The following TPO variants were observed in gnomAD, a reference collection of about 807,000 sequenced individuals.
The protein encoded by TPO is thyroid peroxidase, also known as thyroid microsomal antigen.
Under a neutral mutation model 96.9 loss-of-function variants are expected in TPO, and 78 were observed. The ratio of observed to expected loss-of-function variants is 0.81; its 90% confidence interval spans 0.67 to 0.97. TPO has a LOEUF of 0.97. TPO is among the 50% of genes least tolerant of loss of function. The probability of loss-of-function intolerance (pLI) is 0.00; values close to 1 mark genes in which losing one functional copy is unlikely to be tolerated. For missense variants in TPO, 1,252 were observed against 1,274.8 expected, an observed-to-expected ratio of 0.98 and a Z score of 0.27; for synonymous variants, 547 against 538.0, an observed-to-expected ratio of 1.02 and a Z score of -0.23.
intron 5 of TPO, among the ~76,000 whole-genome samples, chr2:1,436,908 T>C (rs970116332): frequency 6.6e-6 from 1 of 152,150 alleles, no homozygotes; most frequent in Non-Finnish European, 1.5e-5. Context: ...CAACACCATC[T>C]CAGCACCCTC....
chr2:1,387,481 C>T (rs1255792250), intron 1 of TPO, among the ~76,000 whole-genome samples: 2 of 152,078 alleles, frequency 1.3e-5, no homozygotes, highest in Admixed American at 6.6e-5. Context: ...TCACTGATAC[C>T]CTTTCTTCCA....
chr2:1,449,847 C>T (rs996548513), intron 5 of TPO, among the ~76,000 whole-genome samples: 1 of 152,146 alleles, frequency 6.6e-6, no homozygotes, highest in African/African-American at 2.4e-5. Context: ...AAGGGTTTTC[C>T]TCTGAGGGTT....
chr2:1,508,422 C>T (rs1033321419), intron 14 of TPO, among the ~76,000 whole-genome samples: 4 of 152,080 alleles, frequency 2.6e-5, no homozygotes, highest in South Asian at 2.1e-4. Context: ...GGAGGATTCC[C>T]GCTTTTTGTA....
At chr2:1,411,459 A>G (rs1016048141), upstream of TPO, among the ~76,000 whole-genome samples, 7 of 152,172 alleles carry the variant, frequency 4.6e-5, no homozygotes, top group Non-Finnish European at 7.3e-5. Context: ...AAGAGCATCC[A>G]GTCAGTATTT....
chr2:1,540,977 C>T (rs950824830), intron 16 of TPO: 3 of 1,459,108 alleles, frequency 2.1e-6, no homozygotes, highest in East Asian at 5.6e-5. Context: ...GGCTCACTTT[C>T]AGGCGTTTGC....
chr2:1,484,811 G>A lies in TPO; in HGVS notation c.1554G>A (p.Trp518Ter). 6.2e-7 allele frequency: 1 copy of A among 1,614,066 alleles called. No individual in the cohort carries two copies. ...AGCACCCCGACCTGCCCGGGCTGTG[G>A]CTGCACCAGGCTTTCTTCAGCCCAT... Reference protein sequence around the residue: ...FQEHPDLPGLWLHQAFFSPWT... With the variant: ...FQEHPDLPGL Residue 518 changes from tryptophan to a stop codon, truncating the protein, a stop_gained, in exon 9 of 17, where the codon TGG becomes TGA. Transcript: ENST00000329066. LOFTEE classifies it high-confidence loss of function.
intron 14 of TPO, chr2:1,512,544 G>A: frequency 4.2e-6 from 4 of 952,630 alleles, no homozygotes; most frequent in Non-Finnish European, 5.0e-6. Context: ...CTCCGCCCCT[G>A]CTGGGCTCCT....
chr2:1,487,789 G>A (rs376837743), intron 9 of TPO, 32 bp from the exon 10 acceptor site: 26 of 1,614,050 alleles, frequency 1.6e-5, no homozygotes, highest in South Asian at 1.4e-4. Flanking sequence ...TGAGCCAAGA[G>A]CTGTCCTTGC....
chr2:1,465,491 G>A (rs1201031449), intron 7 of TPO, among the ~76,000 whole-genome samples: 1 of 152,088 alleles, frequency 6.6e-6, no homozygotes, highest in Non-Finnish European at 1.5e-5. Context: ...GCTTTCAGCA[G>A]TATGGTTGTT....
chr2:1,497,576 G>A (rs542490645), intron 13 of TPO, among the ~76,000 whole-genome samples: 3 of 152,294 alleles, frequency 2.0e-5, no homozygotes, highest in East Asian at 1.9e-4. Flanking sequence ...AACCTGGACC[G>A]CTGGTTCTGG....
intron 15 of TPO, among the ~76,000 whole-genome samples, chr2:1,530,712 C>A (rs1405690226): frequency 2.5e-5 from 2 of 80,228 alleles, no homozygotes; most frequent in Admixed American, 1.5e-4. Context: ...CTCCTCAAAT[C>A]CCCCCCACTG....
Position 1,438,983 on chromosome 2 carries a change from C to G in TPO, c.482+2599C>G, listed in dbSNP as rs1239884177. The G allele has an allele frequency of 8.1e-6, 5 of 619,274 alleles. No individual in the cohort carries two copies. The East Asian group carries it at 1.1e-4, about 14-fold the overall frequency. 38.4% of individuals were successfully genotyped at this position (619,274 alleles called of 1,614,324 possible). ...CCTGCCCCTGGGTCCTGCAGTAGAG[C>G]CTGAACCTTTCTTTGGTTTGATGCT... On this transcript the variant is annotated intron_variant, in intron 5 of 16. Transcript: ENST00000329066.
intron 1 of TPO, among the ~76,000 whole-genome samples, chr2:1,405,405 TACTC>T (rs1407591370): frequency 6.6e-6 from 1 of 151,106 alleles, no homozygotes; most frequent in African/African-American, 2.4e-5. Flanking sequence ...ATCCTTTTAT[TACTC>T]ACCCACCCAT....
In TPO at chr2:1,477,515, C is replaced by CT; in HGVS notation, c.1250dup (p.Ala418GlyfsTer54). 1 of 1,532,700 alleles carries CT rather than the reference C, an allele frequency of 6.5e-7. No homozygotes were observed. The highest frequency in any genetic ancestry group is 8.7e-7 in the Non-Finnish European group (1 of 1,144,924). 94.9% of individuals were successfully genotyped at this position (1,532,700 alleles called of 1,614,324 possible). A position where few individuals can be genotyped will look rare whatever the true frequency, so the allele number is the denominator to read the frequency against. On this transcript the variant is annotated frameshift_variant, in exon 8 of 17. Transcript: ENST00000329066. LOFTEE classifies it high-confidence loss of function. ...GCTGTGGCTGCGCGAGCACAACCGC[C>CT]TGGCCGCGGCGCTCAAGGCCCTCAA...
chr2:1,388,478 C>T (rs981302525), intron 1 of TPO, among the ~76,000 whole-genome samples: 47 of 152,288 alleles, frequency 3.1e-4, no homozygotes, highest in African/African-American at 1.1e-3. Flanking sequence ...TAGCAGTGAG[C>T]GAGGCTCTGT....
chr2:1,529,641 CGTACTGTGTGCAACCTCCTATCA>C (rs1677550236), intron 15 of TPO, among the ~76,000 whole-genome samples: 2 of 87,258 alleles, frequency 2.3e-5, no homozygotes, highest in Non-Finnish European at 5.1e-5. Context: ...CTCAAATCCC[CGTACTGTGTGCAACCTCCTATCA>C]CCCCCACTGT....
intron 15 of TPO, among the ~76,000 whole-genome samples, chr2:1,533,889 C>A: frequency 1.0e-5 from 1 of 99,080 alleles, no homozygotes; most frequent in Non-Finnish European, 2.1e-5. Flanking sequence ...ACTCTGTGTG[C>A]AACCTCCCCA....
chr2:1,453,897 A>C, intron 6 of TPO, 74 bp downstream of exon 6: 1 of 1,606,106 alleles, frequency 6.2e-7, no homozygotes, highest in South Asian at 1.1e-5. Flanking sequence ...ATAGCCTTTT[A>C]CTGGGTTCTT....
At position 1,494,415 on chromosome 2, in the gene TPO, C is replaced by T. The variant is rs538910940; in HGVS notation, c.2006+376C>T. 5.9e-5 allele frequency among the ~76,000 whole-genome samples: 9 copies of T among 152,362 alleles called. 1 individual carries two copies. In the South Asian group the frequency reaches 1.7e-3, roughly 28 times the overall value. On this transcript the variant is annotated intron_variant, in intron 11 of 16. Coordinates refer to ENST00000329066, the MANE Select transcript of TPO (RefSeq NM_001206744.2). ...GCGCAGAGGTGGACAGTGACTCAGGCGCAGACACAGGCCATGCCCGGTGCT... is the reference window on the plus strand; with the variant it reads ...GCGCAGAGGTGGACAGTGACTCAGGTGCAGACACAGGCCATGCCCGGTGCT...
Sources: allele counts gnomAD v4.1 joint callset (sites outside exome capture counted in the v4.1 genomes callset), GRCh38; gene constraint gnomAD v4.1.1; transcripts MANE v1.5; gene names NCBI Gene and HGNC (gene_info 2026-07-23, HGNC 2026-07-21).